The following AGBL1 variants were observed in gnomAD, a reference collection of about 807,000 sequenced individuals.
AGBL1 encodes AGBL carboxypeptidase 1, also known as cytosolic carboxypeptidase 4.
Under a neutral mutation model 118.9 loss-of-function variants are expected in AGBL1, and 130 were observed. That is an observed-to-expected ratio of 1.09 (90% CI 0.95 to 1.26). The LOEUF (loss-of-function observed/expected upper bound fraction) is 1.26, where lower values mean the gene tolerates loss of function less well. Among genes scored for constraint, AGBL1 ranks in the 50% most tolerant of loss-of-function variants. The probability of loss-of-function intolerance (pLI) is 0.00; values close to 1 mark genes in which losing one functional copy is unlikely to be tolerated. For synonymous variants in AGBL1, 555 were observed against 478.9 expected (o/e 1.16, Z -2.08); for missense variants, 1,584 against 1,298.1 (o/e 1.22, Z -3.38).
intron 22 of AGBL1, among the ~76,000 whole-genome samples, chr15:86,772,654 G>A (rs557176666): frequency 2.2e-4 from 33 of 151,994 alleles, no homozygotes; most frequent in Admixed American, 1.8e-3. Context: ...TAGGAAATAA[G>A]GGGTCTGAAA....
chr15:86,748,652 T>A (rs1332939032), intron 22 of AGBL1, among the ~76,000 whole-genome samples: 23 of 151,274 alleles, frequency 1.5e-4, no homozygotes, highest in Admixed American at 6.6e-5. Flanking sequence ...AGGTCTAACA[T>A]TTAAGTCTTT....
chr15:86,799,840 C>T (rs938721902), intron 22 of AGBL1, among the ~76,000 whole-genome samples: 10 of 152,096 alleles, frequency 6.6e-5, no homozygotes, highest in African/African-American at 1.9e-4. Flanking sequence ...CTTAATAATA[C>T]TTGAAGTCAT....
intron 23 of AGBL1, among the ~76,000 whole-genome samples, chr15:86,969,581 T>G (rs1368623): frequency 0.74 from 111,830 of 151,976 alleles, 41,863 homozygotes; most frequent in South Asian, 0.91. Flanking sequence ...GCATATGCAT[T>G]TGTGTGACTA....
intron 22 of AGBL1, among the ~76,000 whole-genome samples, chr15:86,814,012 T>C (rs1056691394): frequency 6.6e-6 from 1 of 152,186 alleles, no homozygotes; most frequent in Non-Finnish European, 1.5e-5. Flanking sequence ...TGCTCTGGTC[T>C]GCCTTGGCTC....
intron 6 of AGBL1, among the ~76,000 whole-genome samples, chr15:86,238,871 T>A (rs1327896650): frequency 6.6e-6 from 1 of 152,188 alleles, no homozygotes; most frequent in African/African-American, 2.4e-5. Flanking sequence ...TCCAGGCTGG[T>A]CTTGAACTCC....
chr15:86,945,143 G>A (rs2080802679), intron 23 of AGBL1, among the ~76,000 whole-genome samples: 1 of 151,364 alleles, frequency 6.6e-6, no homozygotes, highest in Admixed American at 6.6e-5. Context: ...TACTTGGGAG[G>A]CTGAGGCAGG....
chr15:86,134,121 C>T lies in AGBL1; in HGVS notation c.52-7883C>T, dbSNP rs145094231. ...CTGCCTGTTTCCTCTTGTGTGAAGA[C>T]AGAGAGCGGCTGGTCACTATTTTTG... On this transcript the variant is annotated intron_variant, in intron 1 of 22. Transcript: ENST00000614907. 1.6e-4 allele frequency among the ~76,000 whole-genome samples: 25 copies of T among 152,310 alleles called. 1 individual carries two copies. The East Asian group carries it at 4.2e-3, about 26-fold the overall frequency.
intron 3 of AGBL1, among the ~76,000 whole-genome samples, chr15:86,152,879 C>T (rs1002936306): frequency 2.0e-5 from 3 of 152,200 alleles, no homozygotes; most frequent in African/African-American, 4.8e-5. Flanking sequence ...TAAAAGAAGA[C>T]ATTTATGCAG....
intron 18 of AGBL1, among the ~76,000 whole-genome samples, chr15:86,452,725 G>C (rs923106196): frequency 1.3e-5 from 2 of 152,268 alleles, no homozygotes; most frequent in East Asian, 3.9e-4. Context: ...CCTAAGACGT[G>C]ATCCTGCTGC....
chr15:86,744,134 G>C (rs770766871), intron 22 of AGBL1, among the ~76,000 whole-genome samples: 1 of 152,078 alleles, frequency 6.6e-6, no homozygotes, highest in Non-Finnish European at 1.5e-5. Context: ...TTCAACTCTA[G>C]TTTAAAACAC....
At chr15:86,609,776 C>G (rs2084632330) in intron 21 of AGBL1, among the ~76,000 whole-genome samples, 1 of 152,172 alleles carries the variant, frequency 6.6e-6, no homozygotes, top group Non-Finnish European at 1.5e-5. Context: ...AAACGACATA[C>G]TCTTGTAGGA....
chr15:86,909,118 C>T lies in AGBL1; in HGVS notation c.*1824C>T, dbSNP rs1455927342. 1.3e-5 allele frequency: 2 copies of T among 152,148 alleles called. No individual in the cohort carries two copies. The highest frequency in any genetic ancestry group is 3.9e-4 in the East Asian group (2 of 5,190). 9.4% of individuals were successfully genotyped at this position (152,148 alleles called of 1,614,324 possible). A position where few individuals can be genotyped will look rare whatever the true frequency, so the allele number is the denominator to read the frequency against. The stretch of plus-strand genomic sequence containing the variant: ...CCTGTTTTCTATCTTTCCAAAAGCT[C>T]TACATAATATTTCTTCTTAATCCCA... On this transcript the variant is annotated 3_prime_UTR_variant, in exon 23 of 23. Transcript: ENST00000614907.
intron 1 of AGBL1, among the ~76,000 whole-genome samples, chr15:86,133,297 C>T (rs1359237649): frequency 1.3e-5 from 2 of 152,172 alleles, no homozygotes; most frequent in African/African-American, 4.8e-5. Context: ...TTGCCCTGAG[C>T]ATTTTTCTTT....
intron 17 of AGBL1, among the ~76,000 whole-genome samples, chr15:86,388,274 T>C (rs2081226845): frequency 6.6e-6 from 1 of 152,174 alleles, no homozygotes. Flanking sequence ...TGGACCACTT[T>C]TCTGCTTATT....
chr15:86,921,532 C>T (rs754353211), intron 23 of AGBL1, among the ~76,000 whole-genome samples: 4 of 152,208 alleles, frequency 2.6e-5, no homozygotes, highest in Non-Finnish European at 5.9e-5. Context: ...TGCTCACTTA[C>T]TTCTCAAGGC....
intron 18 of AGBL1, among the ~76,000 whole-genome samples, chr15:86,458,856 C>G (rs192351433): frequency 1.3e-5 from 2 of 152,038 alleles, no homozygotes; most frequent in Non-Finnish European, 2.9e-5. Context: ...GAAAATAGAA[C>G]GGAAATTGCA....
At chr15:86,650,300 G>A (rs1387950354) in intron 21 of AGBL1, among the ~76,000 whole-genome samples, 1 of 152,110 alleles carries the variant, frequency 6.6e-6, no homozygotes, top group African/African-American at 2.4e-5. Flanking sequence ...TGGCCAATCA[G>A]ATGAAAGTGA....
intron 18 of AGBL1, among the ~76,000 whole-genome samples, chr15:86,514,109 G>C (rs1027955701): frequency 1.4e-5 from 2 of 147,306 alleles, no homozygotes; most frequent in Non-Finnish European, 1.5e-5. Flanking sequence ...ACAGAGCTGG[G>C]AAATAGATGT....
intron 5 of AGBL1, among the ~76,000 whole-genome samples, chr15:86,197,048 T>C (rs1205336404): frequency 6.6e-6 from 1 of 152,180 alleles, no homozygotes; most frequent in Non-Finnish European, 1.5e-5. Context: ...CACATTTCTG[T>C]TGCTTAACCC....
Sources: allele counts gnomAD v4.1 joint callset (sites outside exome capture counted in the v4.1 genomes callset), GRCh38; gene constraint gnomAD v4.1.1; transcripts MANE v1.5; gene names NCBI Gene and HGNC (gene_info 2026-07-23, HGNC 2026-07-21).